C2CD5: variants seen among roughly 807,000 people sequenced by gnomAD.
The protein encoded by C2CD5 is C2 calcium dependent domain containing 5.
A neutral mutation model predicts 130.3 loss-of-function variants in C2CD5; 109 were observed. That is an observed-to-expected ratio of 0.84 (90% CI 0.72 to 0.98). The LOEUF is 0.98. C2CD5 is among the 50% of genes least tolerant of loss of function. The pLI, the probability that C2CD5 is intolerant of heterozygous loss-of-function variation, is 0.00. For synonymous variants in C2CD5, 454 were observed against 429.2 expected (o/e 1.06, Z -0.71); for missense variants, 996 against 1,261.8 (o/e 0.79, Z 3.19).
chr12:22,473,319 T>C (rs1025336730), intron 16 of C2CD5, among the ~76,000 whole-genome samples: 1 of 152,196 alleles, frequency 6.6e-6, no homozygotes, highest in Non-Finnish European at 1.5e-5. Flanking sequence ...GGACAGGCGC[T>C]GACATTCATC....
intron 3 of C2CD5, among the ~76,000 whole-genome samples, chr12:22,532,066 T>TA (rs1436340040): frequency 6.6e-6 from 1 of 152,118 alleles, no homozygotes; most frequent in African/African-American, 2.4e-5. Context: ...GGCCGGGCAT[T>TA]ACGCCTGTAA....
chr12:22,538,611 G>A (rs562589285), intron 2 of C2CD5, among the ~76,000 whole-genome samples: 41 of 152,236 alleles, frequency 2.7e-4, no homozygotes, highest in Admixed American at 2.1e-3. Flanking sequence ...CTAATTTTTG[G>A]ACTACTCAGT....
chr12:22,452,456 T>C (rs1938872015), intron 26 of C2CD5, among the ~76,000 whole-genome samples: 1 of 152,068 alleles, frequency 6.6e-6, no homozygotes, highest in Admixed American at 6.6e-5. Flanking sequence ...TCACGCCAAA[T>C]CTTATCAATA....
intron 7 of C2CD5, chr12:22,519,138 GAC>G: frequency 3.9e-6 from 6 of 1,535,894 alleles, no homozygotes; most frequent in Non-Finnish European, 5.2e-6. Flanking sequence ...AGTGGGAACA[GAC>G]ACAGAGAAGT....
intron 2 of C2CD5, among the ~76,000 whole-genome samples, chr12:22,536,468 A>G (rs1317371060): frequency 6.6e-6 from 1 of 152,236 alleles, no homozygotes; most frequent in East Asian, 1.9e-4. Context: ...GTACTTTCAC[A>G]TAAGCCCTCC....
chr12:22,462,490 G>A (rs1266749236), intron 22 of C2CD5, among the ~76,000 whole-genome samples: 1 of 152,124 alleles, frequency 6.6e-6, no homozygotes, highest in Non-Finnish European at 1.5e-5. Flanking sequence ...ACAGGGCTAT[G>A]GTTTTATAAT....
intron 10 of C2CD5, among the ~76,000 whole-genome samples, chr12:22,498,360 A>G (rs1947322159): frequency 6.6e-6 from 1 of 152,188 alleles, no homozygotes; most frequent in South Asian, 2.1e-4. Flanking sequence ...CATCCACTGA[A>G]TAAAAACGTG....
In C2CD5 at chr12:22,518,000, A is replaced by C; in HGVS notation, c.938T>G (p.Leu313Trp). ...AAGCGCCTTACCAGTTTTGGGTGTCAAACTCAAATCTGTGTCAGAAGAAGA... is the reference window on the plus strand; with the variant it reads ...AAGCGCCTTACCAGTTTTGGGTGTCCAACTCAAATCTGTGTCAGAAGAAGA... ...QSSSSDTDLSLTPKTGMGSGS... is the reference protein window; with the variant it reads ...QSSSSDTDLSWTPKTGMGSGS... The change falls in exon 8 of 27, where the codon TTG becomes TGG. Residue 313 changes from leucine (L) to tryptophan (W), a missense_variant. Around this residue, in one of 9 missense-constraint regions of C2CD5, gnomAD observed 156 missense variants for 165.9 expected, o/e 0.94. Transcript: ENST00000446597. 4.3e-6 allele frequency: 7 copies of C among 1,613,286 alleles called. No individual in the cohort carries two copies. Among genetic ancestry groups the C allele is most frequent in the Non-Finnish European group, 5.9e-6 (7 of 1,179,638 alleles).
chr12:22,524,344 AG>A, intron 6 of C2CD5, 127 bp downstream of exon 6: 1 of 708,422 alleles, frequency 1.4e-6, no homozygotes, highest in South Asian at 1.8e-5. Context: ...AGACTGGCCC[AG>A]GGGAAGGCAT....
Position 22,535,331 on chromosome 12 carries a change from T to C in C2CD5, c.104A>G (p.Asn35Ser). The change falls in exon 3 of 27, where the codon AAT (asparagine) becomes AGT (serine). Residue 35 changes from asparagine to serine, a missense_variant. Asn to Ser is a conservative substitution (Grantham distance 46). Around this residue, in one of 9 missense-constraint regions of C2CD5, gnomAD observed 68 missense variants for 154.5 expected, o/e 0.44. Transcript: ENST00000446597. ...GTACACATCTGTTTTAAAGGTGGTA[T>C]TACCAAATTTTACCTAAAAACAAAT... ...TDAFVEVKFG[N>S]TTFKTDVYLK... 10 of 1,537,214 alleles carry C rather than the reference T, an allele frequency of 6.5e-6. No individual in the cohort carries two copies. Among genetic ancestry groups the C allele is most frequent in the Non-Finnish European group, 8.1e-6 (9 of 1,111,394 alleles).
intron 10 of C2CD5, among the ~76,000 whole-genome samples, chr12:22,500,979 T>A (rs1947701624): frequency 1.3e-5 from 2 of 152,156 alleles, no homozygotes; most frequent in African/African-American, 2.4e-5. Flanking sequence ...TTTCTACATA[T>A]GAGAGCAATG....
chr12:22,479,762 T>C (rs577899609), intron 14 of C2CD5, among the ~76,000 whole-genome samples: 10 of 152,170 alleles, frequency 6.6e-5, no homozygotes, highest in African/African-American at 2.4e-4. Flanking sequence ...TGGAAAACTA[T>C]CATGGGAAAT....
intron 25 of C2CD5, among the ~76,000 whole-genome samples, chr12:22,455,155 A>G (rs896143143): frequency 2.6e-5 from 4 of 152,120 alleles, no homozygotes; most frequent in South Asian, 4.1e-4. Context: ...TTGTATAAAG[A>G]TATCTCTTTT....
intron 3 of C2CD5, among the ~76,000 whole-genome samples, chr12:22,528,937 T>C (rs1049782459): frequency 2.6e-5 from 4 of 152,234 alleles, no homozygotes; most frequent in African/African-American, 9.6e-5. Flanking sequence ...TAAGGAATTA[T>C]TGATATCATT....
intron 21 of C2CD5, 50 bp from the exon 22 acceptor site, chr12:22,469,845 T>A: frequency 8.7e-7 from 1 of 1,145,838 alleles, no homozygotes; most frequent in Non-Finnish European, 1.2e-6. Flanking sequence ...TATTATTAAT[T>A]TTTTAAAATT....
At chr12:22,480,801 A>T (rs61921403) in intron 14 of C2CD5, among the ~76,000 whole-genome samples, 2 of 151,316 alleles carry the variant, frequency 1.3e-5, no homozygotes, top group African/African-American at 4.8e-5. Context: ...AGTATAAAAG[A>T]AATTTTTTTT....
chr12:22,519,022 G>A, intron 7 of C2CD5: 1 of 1,077,060 alleles, frequency 9.3e-7, no homozygotes, highest in South Asian at 1.8e-5. Flanking sequence ...AAAGATTTAT[G>A]GTACCTGCCT....
intron 24 of C2CD5, among the ~76,000 whole-genome samples, chr12:22,458,170 T>A (rs1940350181): frequency 6.6e-6 from 1 of 152,194 alleles, no homozygotes; most frequent in African/African-American, 2.4e-5. Flanking sequence ...CCTTGGGTCC[T>A]GGAAGAATGT....
intron 10 of C2CD5, among the ~76,000 whole-genome samples, chr12:22,498,115 C>G (rs1947287842): frequency 6.6e-6 from 1 of 152,012 alleles, no homozygotes; most frequent in Non-Finnish European, 1.5e-5. Flanking sequence ...GTATAGTTTG[C>G]ACATCTGCTC....
Sources: allele counts gnomAD v4.1 joint callset (sites outside exome capture counted in the v4.1 genomes callset), GRCh38; gene constraint gnomAD v4.1.1; regional missense constraint gnomAD v4.1.1; transcripts MANE v1.5; gene names NCBI Gene and HGNC (gene_info 2026-07-23, HGNC 2026-07-21).